Variants in NKD1 observed in about 807,000 individuals in gnomAD.
The protein encoded by NKD1 is protein naked cuticle homolog 1.
In NKD1, 21 loss-of-function variants were observed where a neutral mutation model predicts 56.0. The observed-to-expected ratio is 0.38, with a 90% CI of 0.27 to 0.54. NKD1 has a LOEUF of 0.54. Ranked by LOEUF, NKD1 falls within the 20% of genes least tolerant of loss-of-function variation. The probability of loss-of-function intolerance (pLI) is 0.82; values close to 1 mark genes in which losing one functional copy is unlikely to be tolerated. For synonymous variants in NKD1, 263 were observed against 265.7 expected (o/e 0.99, Z 0.10); for missense variants, 578 against 642.7 (o/e 0.90, Z 1.09).
At chr16:50,586,642 C>T (rs1369416216) in intron 3 of NKD1, among the ~76,000 whole-genome samples, 1 of 152,176 alleles carries the variant, frequency 6.6e-6, no homozygotes, top group Non-Finnish European at 1.5e-5. Context: ...CTTCTGGTTC[C>T]CAGTAGATAT....
chr16:50,594,780 T>G (rs2151272597), intron 3 of NKD1, among the ~76,000 whole-genome samples: 3 of 139,428 alleles, frequency 2.2e-5, no homozygotes, highest in African/African-American at 5.4e-5. Context: ...GAGCTGCTGG[T>G]GGGGAGCACA....
intron 3 of NKD1, among the ~76,000 whole-genome samples, chr16:50,561,980 A>T (rs934149743): frequency 5.9e-5 from 9 of 152,224 alleles, no homozygotes; most frequent in African/African-American, 2.2e-4. Context: ...GTGACAGCAG[A>T]GGTGAGACTT....
chr16:50,639,181 T>A lies in NKD1; in HGVS notation c.*5400T>A, dbSNP rs1364261765. Reference sequence around the variant, plus strand: ...ATGATGTTTCAGGCCCCCAGGTGACTTCTTAGGCAGCCCAGCTAAGCCCCT... The same window carrying A: ...ATGATGTTTCAGGCCCCCAGGTGACATCTTAGGCAGCCCAGCTAAGCCCCT... On this transcript the variant is annotated 3_prime_UTR_variant, in exon 10 of 10. Coordinates refer to ENST00000268459, the MANE Select transcript of NKD1 (RefSeq NM_033119.5). 6.6e-6 allele frequency: 1 copy of A among 152,068 alleles called. No individual in the cohort carries two copies. Among genetic ancestry groups the A allele is most frequent in the Non-Finnish European group, 1.5e-5 (1 of 68,052 alleles). 9.4% of individuals were successfully genotyped at this position (152,068 alleles called of 1,614,324 possible). A position where few individuals can be genotyped will look rare whatever the true frequency, so the allele number is the denominator to read the frequency against.
Position 50,591,415 on chromosome 16 carries a change from G to A in NKD1, c.193-16879G>A, listed in dbSNP as rs375192147. Among the ~76,000 whole-genome samples, 7 of 152,174 alleles carry A rather than the reference G, an allele frequency of 4.6e-5. No individual in the cohort carries two copies. The South Asian group carries it at 1.5e-3, about 32-fold the overall frequency. ...AATACTTTTGCCTCCTGAGACAGAC[G>A]GTACTGAGGACGGATCATTGGCTTT... On this transcript the variant is annotated intron_variant, in intron 3 of 9. Transcript: ENST00000268459.
At chr16:50,617,205 G>A (rs994707610) in intron 4 of NKD1, among the ~76,000 whole-genome samples, 2 of 152,164 alleles carry the variant, frequency 1.3e-5, no homozygotes, top group African/African-American at 4.8e-5. Flanking sequence ...GGGGAGGCGG[G>A]AGGGGTGTCT....
rs191962986 is a variant in NKD1 at position 50,605,455 on chromosome 16, A to G, written c.193-2839A>G. 1.1e-3 allele frequency among the ~76,000 whole-genome samples: 163 copies of G among 152,320 alleles called. 1 individual carries two copies. Among genetic ancestry groups the G allele is most frequent in the African/African-American group, 3.9e-3 (161 of 41,572 alleles). ...GATGATTCAGGGGGCTAATAAATACACGCTTACACAGTTGGCCCTCCTTAT... is the reference window on the plus strand; with the variant it reads ...GATGATTCAGGGGGCTAATAAATACGCGCTTACACAGTTGGCCCTCCTTAT... On this transcript the variant is annotated intron_variant, in intron 3 of 9. Transcript: ENST00000268459.
chr16:50,548,939 C>A (rs1259126344), intron 2 of NKD1, 190 bp downstream of exon 2: 2 of 956,264 alleles, frequency 2.1e-6, no homozygotes, highest in African/African-American at 3.6e-5. Context: ...CCGCTCCCCG[C>A]GGTCCTGCGC....
chr16:50,628,692 G>A (rs559642334), intron 6 of NKD1, among the ~76,000 whole-genome samples: 7 of 152,186 alleles, frequency 4.6e-5, no homozygotes, highest in East Asian at 1.9e-4. Flanking sequence ...CCTGAGGCTC[G>A]GAGAGGAGAT....
chr16:50,595,028 G>T (rs1277209742), intron 3 of NKD1, among the ~76,000 whole-genome samples: 2 of 152,214 alleles, frequency 1.3e-5, no homozygotes, highest in African/African-American at 4.8e-5. Context: ...ATGTTTGGTT[G>T]CCTGAGACAG....
Position 50,607,282 on chromosome 16 carries a change from C to T in NKD1, c.193-1012C>T, listed in dbSNP as rs564302290. ...GTTGATGAGATCAGCAATACAAAGC[C>T]GTGTTTTTTCTTTTGTTCATCAAGA... On this transcript the variant is annotated intron_variant, in intron 3 of 9. Coordinates refer to ENST00000268459, the MANE Select transcript of NKD1 (RefSeq NM_033119.5). The T allele has an allele frequency of 1.4e-4, 32 of 233,580 alleles. No homozygotes were observed. In the East Asian group the frequency reaches 2.2e-3, roughly 16 times the overall value. The allele number at this position is 233,580 out of a possible 1,614,324, so 14.5% of individuals were successfully genotyped here. A position where few individuals can be genotyped will look rare whatever the true frequency, so the allele number is the denominator to read the frequency against.
intron 6 of NKD1, among the ~76,000 whole-genome samples, chr16:50,627,537 A>G (rs964679134): frequency 6.6e-6 from 1 of 151,894 alleles, no homozygotes; most frequent in Non-Finnish European, 1.5e-5. Flanking sequence ...TCCCTGGTCT[A>G]TTTTTAGCCC....
chr16:50,628,999 A>G (rs1228833687), intron 6 of NKD1, among the ~76,000 whole-genome samples: 2 of 145,128 alleles, frequency 1.4e-5, no homozygotes, highest in Non-Finnish European at 3.0e-5. Context: ...GGGATCTTGC[A>G]CTGTTGCCCA....
Position 50,633,473 on chromosome 16 carries a change from C to T in NKD1, c.1105C>T (p.Pro369Ser), listed in dbSNP as rs201316025. The T allele has an allele frequency of 6.2e-7, 1 of 1,608,972 alleles. No homozygotes were observed. Among genetic ancestry groups the T allele is most frequent in the Non-Finnish European group, 8.5e-7 (1 of 1,177,416 alleles). ...GHVARGARNKPPLGPAIPAVS... is the reference protein window; with the variant it reads ...GHVARGARNKSPLGPAIPAVS... ...CGTGGCCAGAGGGGCAAGAAACAAG[C>T]CCCCTCTGGGACCCGCCATCCCTGC... Residue 369 changes from proline (P) to serine (S), a missense_variant, in exon 10 of 10, where the codon CCC becomes TCC. Pro to Ser is a moderately conservative substitution (Grantham distance 74, BLOSUM62 -1). Coordinates refer to ENST00000268459, the MANE Select transcript of NKD1 (RefSeq NM_033119.5). This position sits in a 1 kb window ranked among gnomAD's most constrained non-coding sequence, Gnocchi z 4.9.
At chr16:50,549,806 T>C (rs1021540864) in intron 3 of NKD1, among the ~76,000 whole-genome samples, 1 of 152,106 alleles carries the variant, frequency 6.6e-6, no homozygotes, top group Admixed American at 6.5e-5. Context: ...GAAGGTCCAG[T>C]TGATGGGGAA....
At chr16:50,601,124 G>A (rs1035150417) in intron 3 of NKD1, among the ~76,000 whole-genome samples, 6 of 152,180 alleles carry the variant, frequency 3.9e-5, no homozygotes, top group African/African-American at 1.4e-4. Context: ...CTTCCCTCTC[G>A]CCTCAGCCTC....
rs1962568125 is a variant in NKD1 at position 50,640,939 on chromosome 16, G to A, written c.*7158G>A. On this transcript the variant is annotated 3_prime_UTR_variant, in exon 10 of 10. Transcript: ENST00000268459. ...TTTGGTCAGCCACACATTGTAGTAG[G>A]GCTAGAATTTTTCTTCCCATTTTAG... is the stretch of plus-strand genomic sequence containing the variant. The A allele has an allele frequency of 6.6e-6, 1 of 152,164 alleles. No individual in the cohort carries two copies. Among genetic ancestry groups the A allele is most frequent in the Non-Finnish European group, 1.5e-5 (1 of 68,042 alleles). 9.4% of individuals were successfully genotyped at this position (152,164 alleles called of 1,614,324 possible). A position where few individuals can be genotyped will look rare whatever the true frequency, so the allele number is the denominator to read the frequency against.
chr16:50,596,581 C>T (rs968631475), intron 3 of NKD1, among the ~76,000 whole-genome samples: 1 of 152,240 alleles, frequency 6.6e-6, no homozygotes. Context: ...ATCACATTTT[C>T]TCTGCTGTTT....
chr16:50,615,777 T>C (rs1327122779), intron 4 of NKD1, among the ~76,000 whole-genome samples: 1 of 152,214 alleles, frequency 6.6e-6, no homozygotes, highest in Non-Finnish European at 1.5e-5. Context: ...CCCTGCACAG[T>C]GTTAAGAGGA....
At chr16:50,628,099 G>A (rs1248625217) in intron 6 of NKD1, among the ~76,000 whole-genome samples, 4 of 152,094 alleles carry the variant, frequency 2.6e-5, no homozygotes, top group African/African-American at 9.7e-5. Context: ...CTGGAGCCTG[G>A]GTCTCAAACT....
Sources: allele counts gnomAD v4.1 joint callset (sites outside exome capture counted in the v4.1 genomes callset), GRCh38; gene constraint gnomAD v4.1.1; non-coding constraint Gnocchi (gnomAD v3.1); transcripts MANE v1.5; gene names NCBI Gene and HGNC (gene_info 2026-07-23, HGNC 2026-07-21).